The following KCTD16 variants were observed in gnomAD, a reference collection of about 807,000 sequenced individuals.
The protein encoded by KCTD16 is BTB/POZ domain-containing protein KCTD16.
A neutral mutation model predicts 33.2 loss-of-function variants in KCTD16; 13 were observed. That is an observed-to-expected ratio of 0.39 (90% CI 0.25 to 0.62). KCTD16 has a LOEUF of 0.62. Among genes scored for constraint, KCTD16 ranks in the 20% least tolerant of loss-of-function variants. The pLI is 0.50. For missense variants in KCTD16, 441 were observed against 525.1 expected, an observed-to-expected ratio of 0.84 and a Z score of 1.57; for synonymous variants, 197 against 195.3, an observed-to-expected ratio of 1.01 and a Z score of -0.07.
At chr5:144,250,631 A>T (rs954394880) in intron 3 of KCTD16, among the ~76,000 whole-genome samples, 1 of 152,206 alleles carries the variant, frequency 6.6e-6, no homozygotes, top group Non-Finnish European at 1.5e-5. Flanking sequence ...GAATAGATGC[A>T]GCCTAGAGTG....
chr5:144,284,223 G>A (rs571484474), intron 3 of KCTD16, among the ~76,000 whole-genome samples: 23 of 152,316 alleles, frequency 1.5e-4, no homozygotes, highest in African/African-American at 5.5e-4. Flanking sequence ...TCTAGAAACA[G>A]GAAGTGGATT....
chr5:144,231,830 T>C (rs1308904367), intron 3 of KCTD16, among the ~76,000 whole-genome samples: 7 of 152,152 alleles, frequency 4.6e-5, no homozygotes, highest in Admixed American at 3.9e-4. Flanking sequence ...CCCCCAGCCA[T>C]GCTGAACTGT....
intron 3 of KCTD16, among the ~76,000 whole-genome samples, chr5:144,219,209 T>A (rs1753657730): frequency 6.6e-6 from 1 of 151,962 alleles, no homozygotes; most frequent in East Asian, 1.9e-4. Context: ...GCTCTTTTAT[T>A]TTTTTATTTT....
intron 2 of KCTD16, among the ~76,000 whole-genome samples, chr5:144,187,550 A>C (rs1752755343): frequency 6.6e-6 from 1 of 152,154 alleles, no homozygotes; most frequent in South Asian, 2.1e-4. Flanking sequence ...CTCAGATTTT[A>C]ATTCTATTGA....
intron 3 of KCTD16, among the ~76,000 whole-genome samples, chr5:144,256,471 A>C (rs1434789676): frequency 6.6e-6 from 1 of 152,192 alleles, no homozygotes; most frequent in Non-Finnish European, 1.5e-5. Flanking sequence ...GGAGTTTGTC[A>C]AACAGAATCA....
At chr5:144,377,183 G>A (rs1752113381) in intron 3 of KCTD16, among the ~76,000 whole-genome samples, 1 of 152,080 alleles carries the variant, frequency 6.6e-6, no homozygotes, top group Admixed American at 6.6e-5. Flanking sequence ...ATCCCCTATT[G>A]GACTGTCTCT....
chr5:144,340,922 C>T lies in KCTD16; in HGVS notation c.833-132738C>T, dbSNP rs547629072. On this transcript the variant is annotated intron_variant, in intron 3 of 3. Coordinates refer to ENST00000512467, the MANE Select transcript of KCTD16 (RefSeq NM_020768.4). Reference sequence around the variant, plus strand: ...AAAATTAGCCAGGCACGGTGGTGGGCGCCTGTAATCCCAGCTACTAGGTGA... The same window carrying T: ...AAAATTAGCCAGGCACGGTGGTGGGTGCCTGTAATCCCAGCTACTAGGTGA... Among the ~76,000 whole-genome samples the T allele has an allele frequency of 4.6e-5, 7 of 151,934 alleles. No individual in the cohort carries two copies. The East Asian group carries it at 5.8e-4, about 13-fold the overall frequency.
At chr5:144,255,366 T>A (rs1483387255) in intron 3 of KCTD16, among the ~76,000 whole-genome samples, 2 of 152,194 alleles carry the variant, frequency 1.3e-5, no homozygotes, top group African/African-American at 4.8e-5. Flanking sequence ...GATTTTTTTT[T>A]ATCATATGGT....
chr5:144,261,167 CAA>C (rs1299878040), intron 3 of KCTD16, among the ~76,000 whole-genome samples: 894 of 78,028 alleles, frequency 0.011, 5 homozygotes, highest in African/African-American at 0.038. Flanking sequence ...GGAACAACAA[CAA>C]AAAAAAAAAA....
intron 3 of KCTD16, among the ~76,000 whole-genome samples, chr5:144,345,793 G>C (rs1396340872): frequency 6.6e-6 from 1 of 152,066 alleles, no homozygotes; most frequent in Non-Finnish European, 1.5e-5. Context: ...ATGTGAAATA[G>C]GTACATCATG....
chr5:144,199,482 T>C (rs1753000913), intron 2 of KCTD16, among the ~76,000 whole-genome samples: 1 of 152,210 alleles, frequency 6.6e-6, no homozygotes, highest in African/African-American at 2.4e-5. Context: ...CCTAAAATAG[T>C]GCATGTGGAT....
At chr5:144,320,541 A>G (rs1752044136) in intron 3 of KCTD16, among the ~76,000 whole-genome samples, 1 of 152,190 alleles carries the variant, frequency 6.6e-6, no homozygotes, top group Admixed American at 6.5e-5. Flanking sequence ...ACTGGCATAT[A>G]AAACTTGTGA....
intron 3 of KCTD16, among the ~76,000 whole-genome samples, chr5:144,430,265 T>A (rs1047629829): frequency 1.3e-5 from 2 of 152,132 alleles, no homozygotes; most frequent in African/African-American, 2.4e-5. Context: ...CATTATTTTT[T>A]AAAAATAAAA....
intron 3 of KCTD16, among the ~76,000 whole-genome samples, chr5:144,232,787 C>T (rs1394894432): frequency 1.3e-5 from 2 of 152,008 alleles, no homozygotes; most frequent in Non-Finnish European, 2.9e-5. Context: ...CATTTTAACC[C>T]ACCGTGTCAA....
At chr5:144,231,805 G>GT (rs1483005842) in intron 3 of KCTD16, among the ~76,000 whole-genome samples, 2 of 152,134 alleles carry the variant, frequency 1.3e-5, no homozygotes, top group Non-Finnish European at 2.9e-5. Context: ...CTCCATGATT[G>GT]TAAGTTTTCT....
intron 3 of KCTD16, among the ~76,000 whole-genome samples, chr5:144,399,316 GT>G (rs913788823): frequency 8.0e-5 from 12 of 150,920 alleles, no homozygotes; most frequent in Admixed American, 1.3e-4. Context: ...ATTAACTAAT[GT>G]TTTTTTTTCT....
At chr5:144,449,074 T>C (rs1753884931) in intron 3 of KCTD16, among the ~76,000 whole-genome samples, 1 of 152,078 alleles carries the variant, frequency 6.6e-6, no homozygotes, top group Admixed American at 6.6e-5. Context: ...TCTCTGACTT[T>C]TCTGATTTTC....
chr5:144,349,771 G>A (rs933961993), intron 3 of KCTD16, among the ~76,000 whole-genome samples: 4 of 152,082 alleles, frequency 2.6e-5, no homozygotes, highest in African/African-American at 9.7e-5. Context: ...CCCCACTTGA[G>A]CCACTACCTT....
intron 3 of KCTD16, among the ~76,000 whole-genome samples, chr5:144,416,987 A>G (rs1391885780): frequency 6.6e-6 from 1 of 152,178 alleles, no homozygotes; most frequent in African/African-American, 2.4e-5. Context: ...ATATTTCATC[A>G]CATTTATATA....
Sources: gnomAD v4.1 joint callset for allele counts (sites outside exome capture counted in the v4.1 genomes callset) on GRCh38, gnomAD v4.1.1 for gene constraint, MANE v1.5 for transcripts, NCBI Gene and HGNC (gene_info 2026-07-23, HGNC 2026-07-21) for gene names.